Variants in CNTN3 observed in about 807,000 individuals in gnomAD.
CNTN3 encodes contactin-3.
In CNTN3, 60 loss-of-function variants were observed where a neutral mutation model predicts 119.1. That is an observed-to-expected ratio of 0.50 (90% CI 0.41 to 0.62). The LOEUF is 0.62. CNTN3 is among the 20% of genes least tolerant of loss of function. The pLI, the probability that CNTN3 is intolerant of heterozygous loss-of-function variation, is 0.00. For synonymous variants in CNTN3, 450 were observed against 438.7 expected, an observed-to-expected ratio of 1.03 and a Z score of -0.32; for missense variants, 1,101 against 1,242.4, an observed-to-expected ratio of 0.89 and a Z score of 1.71.
intron 20 of CNTN3, among the ~76,000 whole-genome samples, chr3:74,275,878 T>C (rs1203382667): frequency 6.6e-6 from 1 of 151,988 alleles, no homozygotes; most frequent in East Asian, 1.9e-4. Flanking sequence ...CAAACAAATA[T>C]CTGCTGCCTT....
At chr3:74,410,644 T>C (rs1701422496) in intron 5 of CNTN3, among the ~76,000 whole-genome samples, 1 of 152,156 alleles carries the variant, frequency 6.6e-6, no homozygotes, top group Admixed American at 6.6e-5. Context: ...CTTAAGAGAT[T>C]TGTGGGATAC....
chr3:74,503,826 G>A (rs1703206218), intron 2 of CNTN3, among the ~76,000 whole-genome samples: 1 of 152,010 alleles, frequency 6.6e-6, no homozygotes, highest in South Asian at 2.1e-4. Flanking sequence ...CATTTTAAAT[G>A]TACATCCTAA....
At chr3:74,490,088 A>G (rs1360218693) in intron 3 of CNTN3, among the ~76,000 whole-genome samples, 1 of 152,150 alleles carries the variant, frequency 6.6e-6, no homozygotes, top group Non-Finnish European at 1.5e-5. Context: ...CTATGGCTGG[A>G]TGACATTGGT....
chr3:74,491,931 A>T (rs1047095441), intron 3 of CNTN3, among the ~76,000 whole-genome samples: 1 of 152,198 alleles, frequency 6.6e-6, no homozygotes, highest in Non-Finnish European at 1.5e-5. Context: ...TAATGCAGTG[A>T]TCTGGAACAA....
intron 4 of CNTN3, among the ~76,000 whole-genome samples, chr3:74,452,287 G>T (rs1245794173): frequency 2.1e-4 from 28 of 133,424 alleles, no homozygotes; most frequent in Admixed American, 1.2e-3. Flanking sequence ...ATTGTGAATG[G>T]GAGTTCACTC....
At chr3:74,366,680 T>C (rs923271966) in intron 8 of CNTN3, among the ~76,000 whole-genome samples, 3 of 150,968 alleles carry the variant, frequency 2.0e-5, no homozygotes, top group East Asian at 3.9e-4. Flanking sequence ...TTTTTATAAA[T>C]GAAACTGAAA....
intron 13 of CNTN3, among the ~76,000 whole-genome samples, chr3:74,333,092 G>A (rs1213841042): frequency 6.6e-6 from 1 of 152,180 alleles, no homozygotes. Context: ...TTAGCAATTG[G>A]TGAAGTTCTC....
intron 1 of CNTN3, among the ~76,000 whole-genome samples, chr3:74,525,587 A>G (rs1183576243): frequency 6.6e-6 from 1 of 151,952 alleles, no homozygotes. Context: ...ATATTCTACT[A>G]TTCACAGGAA....
rs1238389144 is a variant in CNTN3 at position 74,369,113 on chromosome 3, C to A, written c.946+76G>T. The stretch of plus-strand genomic sequence containing the variant: ...ATTGGGATTCTGCTATAATCTCTCA[C>A]CCCTAAATAACAACCATATTTTATA... On this transcript the variant is annotated intron_variant, in intron 8 of 22. Coordinates refer to ENST00000263665, the MANE Select transcript of CNTN3 (RefSeq NM_020872.3). 1.7e-5 allele frequency: 19 copies of A among 1,136,990 alleles called. No individual in the cohort carries two copies. In the East Asian group the frequency reaches 4.9e-4, roughly 29 times the overall value. The allele number at this position is 1,136,990 out of a possible 1,614,324, so 70.4% of individuals were successfully genotyped here.
chr3:74,604,628 T>G (rs985321123), intron 1 of CNTN3, among the ~76,000 whole-genome samples: 1 of 152,074 alleles, frequency 6.6e-6, no homozygotes. Flanking sequence ...TTACACTCAT[T>G]AGAACAGGTA....
At chr3:74,429,490 C>A (rs748014656) in intron 4 of CNTN3, among the ~76,000 whole-genome samples, 3 of 151,182 alleles carry the variant, frequency 2.0e-5, no homozygotes, top group Non-Finnish European at 4.4e-5. Flanking sequence ...TCAACTCAAA[C>A]TAGACCACAA....
chr3:74,392,986 A>G (rs993955961), intron 5 of CNTN3, among the ~76,000 whole-genome samples: 2 of 152,078 alleles, frequency 1.3e-5, no homozygotes, highest in Non-Finnish European at 2.9e-5. Context: ...ACTGTGTTAT[A>G]TATCTAATTA....
intron 5 of CNTN3, among the ~76,000 whole-genome samples, chr3:74,404,157 C>T (rs4677389): frequency 0.74 from 112,795 of 151,998 alleles, 41,913 homozygotes; most frequent in East Asian, 0.81. Context: ...AAAATAAATA[C>T]ACACAAAATA....
intron 1 of CNTN3, among the ~76,000 whole-genome samples, chr3:74,543,328 A>T (rs989027159): frequency 1.1e-4 from 16 of 152,188 alleles, no homozygotes; most frequent in African/African-American, 3.9e-4. Flanking sequence ...TCTGATGGGA[A>T]CAGGTCTTCT....
intron 1 of CNTN3, among the ~76,000 whole-genome samples, chr3:74,554,788 CT>C (rs1371170425): frequency 5.3e-5 from 8 of 152,186 alleles, no homozygotes; most frequent in African/African-American, 1.9e-4. Flanking sequence ...GCTGAAGTTG[CT>C]TGTCAGCTTA....
intron 1 of CNTN3, among the ~76,000 whole-genome samples, chr3:74,574,569 A>G (rs1010468001): frequency 1.3e-5 from 2 of 152,182 alleles, no homozygotes; most frequent in Non-Finnish European, 2.9e-5. Flanking sequence ...TTTGCTCTCA[A>G]TGGTAAAGCA....
intron 1 of CNTN3, among the ~76,000 whole-genome samples, chr3:74,573,549 T>C (rs925635605): frequency 6.6e-6 from 1 of 152,098 alleles, no homozygotes; most frequent in East Asian, 1.9e-4. Flanking sequence ...AAGTATCTGT[T>C]AAGGGTTTGG....
intron 11 of CNTN3, among the ~76,000 whole-genome samples, chr3:74,339,560 G>A (rs901413390): frequency 2.6e-5 from 4 of 151,924 alleles, no homozygotes; most frequent in Admixed American, 1.3e-4. Flanking sequence ...AGCACCCATC[G>A]AGTGTCCAAT....
At chr3:74,370,495 T>C (rs192071089) in intron 6 of CNTN3, among the ~76,000 whole-genome samples, 116 of 152,218 alleles carry the variant, frequency 7.6e-4, no homozygotes, top group Admixed American at 5.4e-3. Flanking sequence ...TACTTAATGA[T>C]ACCCTAGTAG....
Sources: allele counts gnomAD v4.1 joint callset (sites outside exome capture counted in the v4.1 genomes callset), GRCh38; gene constraint gnomAD v4.1.1; transcripts MANE v1.5; gene names NCBI Gene and HGNC (gene_info 2026-07-23, HGNC 2026-07-21).